FRY: variants seen among roughly 807,000 people sequenced by gnomAD.
FRY encodes the protein protein furry homolog.
Under a neutral mutation model 348.4 loss-of-function variants are expected in FRY, and 128 were observed. The observed-to-expected ratio is 0.37, with a 90% CI of 0.32 to 0.43. The LOEUF is 0.43. Ranked by LOEUF, FRY falls within the 20% of genes least tolerant of loss-of-function variation. FRY has a pLI of 1.00. For synonymous variants in FRY, 1,370 were observed against 1,374.7 expected, an observed-to-expected ratio of 1.00 and a Z score of 0.08; for missense variants, 2,736 against 3,695.2, an observed-to-expected ratio of 0.74 and a Z score of 6.73.
intron 22 of FRY, among the ~76,000 whole-genome samples, 156 bp from the exon 23 acceptor site, chr13:32,179,503 TTGTGTGTGTGTGTGTG>T (rs10628771): frequency 2.9e-5 from 4 of 137,552 alleles, no homozygotes; most frequent in African/African-American, 1.1e-4. Context: ...TGTATTAAAT[TTGTGTGTGTGTGTGTG>T]TGTGTGTGTG....
chr13:32,199,349 A>G (rs1883869090), intron 29 of FRY, among the ~76,000 whole-genome samples: 1 of 152,204 alleles, frequency 6.6e-6, no homozygotes, highest in African/African-American at 2.4e-5. Flanking sequence ...ATATGTTCCT[A>G]GAATGGAATA....
chr13:32,108,393 C>A (rs965362720), intron 3 of FRY, among the ~76,000 whole-genome samples: 2 of 152,074 alleles, frequency 1.3e-5, no homozygotes, highest in Admixed American at 6.6e-5. Flanking sequence ...TGCAAAGGTC[C>A]TGAACAGAAA....
intron 55 of FRY, among the ~76,000 whole-genome samples, chr13:32,270,570 T>G (rs1888153016): frequency 6.6e-6 from 1 of 152,224 alleles, no homozygotes; most frequent in South Asian, 2.1e-4. Context: ...TATGGTCATT[T>G]TTATTAGAGT....
Position 32,208,914 on chromosome 13 carries a change from G to A in FRY, c.4080G>A (p.Leu1360=). 6.2e-7 allele frequency: 1 copy of A among 1,614,156 alleles called. No individual in the cohort carries two copies. Among genetic ancestry groups the A allele is most frequent in the Non-Finnish European group, 8.5e-7 (1 of 1,180,012 alleles). The change falls in exon 32 of 61, where the codon CTG becomes CTA. Residue 1360 remains leucine (L), a synonymous_variant. Coordinates refer to ENST00000542859, the MANE Select transcript of FRY (RefSeq NM_023037.3). ...GGCGCCAGATCATGCTTACCTACCT[G>A]CTGCCCTGGCTGCACAACATCGAGC... ...PNGRQIMLTY[L]LPWLHNIELV...
At chr13:32,070,717 T>C (rs1243738126) in intron 1 of FRY, among the ~76,000 whole-genome samples, 1 of 152,224 alleles carries the variant, frequency 6.6e-6, no homozygotes, top group Non-Finnish European at 1.5e-5. Flanking sequence ...TTAGTTTAAT[T>C]AGATCCCATT....
intron 3 of FRY, 109 bp from the exon 4 acceptor site, chr13:32,117,225 G>A (rs1214194203): frequency 1.1e-5 from 11 of 971,924 alleles, no homozygotes; most frequent in South Asian, 2.8e-5. Context: ...ACTGTGATAC[G>A]GAAGAAAATA....
chr13:32,048,474 T>A lies in FRY; in HGVS notation c.70+16609T>A, dbSNP rs982373260. On this transcript the variant is annotated intron_variant, in intron 1 of 60. Coordinates refer to ENST00000542859, the MANE Select transcript of FRY (RefSeq NM_023037.3). ...AGAGTGAAATGATGTTTTATTTGTA[T>A]AATGATCAGCCAACTTGAGGAAACA... Among the ~76,000 whole-genome samples the A allele has an allele frequency of 9.9e-4, 151 of 152,364 alleles. 1 individual carries two copies. The highest frequency in any genetic ancestry group is 3.4e-3 in the African/African-American group (143 of 41,592).
At chr13:32,074,959 G>A (rs1874938037) in intron 1 of FRY, among the ~76,000 whole-genome samples, 1 of 152,216 alleles carries the variant, frequency 6.6e-6, no homozygotes, top group South Asian at 2.1e-4. Flanking sequence ...TTTGCTTGCA[G>A]GACTGGGTAA....
At chr13:32,198,251 T>C (rs559903795) in intron 29 of FRY, among the ~76,000 whole-genome samples, 1 of 152,286 alleles carries the variant, frequency 6.6e-6, no homozygotes, top group Admixed American at 6.5e-5. Context: ...TGCCTTTAAA[T>C]CTCCAGCGAT....
At chr13:32,183,841 A>T (rs1388085629) in intron 24 of FRY, among the ~76,000 whole-genome samples, 1 of 151,856 alleles carries the variant, frequency 6.6e-6, no homozygotes, top group Non-Finnish European at 1.5e-5. Context: ...TGATACAAGA[A>T]ATAGCAGAAA....
At chr13:32,083,289 C>T (rs540356963) in intron 2 of FRY, among the ~76,000 whole-genome samples, 1 of 152,100 alleles carries the variant, frequency 6.6e-6, no homozygotes, top group Non-Finnish European at 1.5e-5. Flanking sequence ...ATTTAGTTCT[C>T]TTTGAAAGTC....
At chr13:32,202,071 C>A in intron 30 of FRY, 31 bp downstream of exon 30, 1 of 1,240,864 alleles carries the variant, frequency 8.1e-7, no homozygotes, top group Non-Finnish European at 1.2e-6. Flanking sequence ...TAGAAAATAT[C>A]CATCCTTGAG....
At chr13:32,249,809 C>T in intron 49 of FRY, 122 bp downstream of exon 49, 2 of 812,542 alleles carry the variant, frequency 2.5e-6, no homozygotes, top group Non-Finnish European at 2.1e-6. Flanking sequence ...CTCAGCACTT[C>T]CAGGGATGGG....
intron 48 of FRY, among the ~76,000 whole-genome samples, chr13:32,249,276 G>T (rs1886953826): frequency 6.6e-6 from 1 of 151,950 alleles, no homozygotes; most frequent in Non-Finnish European, 1.5e-5. Flanking sequence ...CTTTGTCAGT[G>T]GTTTCTAAAG....
chr13:32,050,231 G>A (rs942087651), intron 1 of FRY, among the ~76,000 whole-genome samples: 1 of 152,148 alleles, frequency 6.6e-6, no homozygotes, highest in Non-Finnish European at 1.5e-5. Context: ...ATAGCTTGTT[G>A]GATTACTTCG....
intron 49 of FRY, 38 bp downstream of exon 49, chr13:32,249,725 T>G (rs1200553793): frequency 6.3e-7 from 1 of 1,591,068 alleles, no homozygotes; most frequent in Non-Finnish European, 8.6e-7. Flanking sequence ...GGAGGGAGTT[T>G]AGGGACCTGT....
chr13:32,134,574 A>T (rs1879582720), intron 8 of FRY, among the ~76,000 whole-genome samples: 1 of 152,222 alleles, frequency 6.6e-6, no homozygotes, highest in Admixed American at 6.5e-5. Context: ...AGTAATAAAT[A>T]GAAATGTATT....
Position 32,267,369 on chromosome 13 carries a change from C to A in FRY, c.8136+10C>A, listed in dbSNP as rs889268868. 3 of 1,611,854 alleles carry A rather than the reference C, an allele frequency of 1.9e-6. No homozygotes were observed. The Admixed American group carries it at 5.0e-5, about 27-fold the overall frequency. ...CTCCTCCTTGTTTAAGGTATGTGTG[C>A]TCACTGAAAGTGCAGAGGACTTAGT... On this transcript the variant is annotated intron_variant, in intron 55 of 60. Coordinates refer to ENST00000542859, the MANE Select transcript of FRY (RefSeq NM_023037.3).
chr13:32,163,430 T>A (rs1356390323), intron 17 of FRY, among the ~76,000 whole-genome samples: 1 of 152,142 alleles, frequency 6.6e-6, no homozygotes, highest in African/African-American at 2.4e-5. Context: ...CATGGTAAAA[T>A]TTTGGTGAAA....
Sources: gnomAD v4.1 joint callset for allele counts (sites outside exome capture counted in the v4.1 genomes callset) on GRCh38, gnomAD v4.1.1 for gene constraint, MANE v1.5 for transcripts, NCBI Gene and HGNC (gene_info 2026-07-23, HGNC 2026-07-21) for gene names.